Variants in LSAMP observed in about 807,000 individuals in gnomAD.
The protein encoded by LSAMP is limbic system-associated membrane protein.
A neutral mutation model predicts 38.6 loss-of-function variants in LSAMP; 7 were observed. The observed-to-expected ratio is 0.18, with a 90% CI of 0.10 to 0.34. LSAMP has a LOEUF of 0.34. Among genes scored for constraint, LSAMP ranks in the 10% least tolerant of loss-of-function variants. LSAMP has a pLI of 1.00. For synonymous variants in LSAMP, 154 were observed against 166.8 expected (o/e 0.92, Z 0.59); for missense variants, 313 against 420.0 (o/e 0.75, Z 2.23).
chr3:116,053,042 G>T (rs1276103586), intron 2 of LSAMP, among the ~76,000 whole-genome samples: 3 of 152,204 alleles, frequency 2.0e-5, no homozygotes, highest in Non-Finnish European at 2.9e-5. Context: ...AGTGGCACCA[G>T]CCATCACCTG....
chr3:116,023,186 A>G (rs913176254), intron 2 of LSAMP, among the ~76,000 whole-genome samples: 4 of 146,004 alleles, frequency 2.7e-5, no homozygotes, highest in African/African-American at 7.5e-5. Flanking sequence ...CTCTATATAT[A>G]TATACACACA....
chr3:116,209,069 C>G (rs1445497715), intron 1 of LSAMP, among the ~76,000 whole-genome samples: 1 of 152,214 alleles, frequency 6.6e-6, no homozygotes, highest in Non-Finnish European at 1.5e-5. Flanking sequence ...GGGGGTAGGA[C>G]CCTCTGAGCC....
chr3:115,906,147 A>G (rs892771183), intron 3 of LSAMP, among the ~76,000 whole-genome samples: 1 of 152,186 alleles, frequency 6.6e-6, no homozygotes, highest in Non-Finnish European at 1.5e-5. Flanking sequence ...GAGGAATTTC[A>G]CACTATGGCT....
chr3:116,144,663 C>G (rs1371653365), intron 1 of LSAMP, among the ~76,000 whole-genome samples: 1 of 148,982 alleles, frequency 6.7e-6, no homozygotes, highest in South Asian at 2.1e-4. Flanking sequence ...TTAACCTGGT[C>G]AAATGTATTT....
intron 1 of LSAMP, among the ~76,000 whole-genome samples, chr3:116,285,113 G>C (rs1182082840): frequency 6.6e-6 from 1 of 152,154 alleles, no homozygotes; most frequent in Admixed American, 6.6e-5. Context: ...CTGGTTTGAA[G>C]CTTGAGTGTT....
At chr3:116,439,809 G>A (rs546102921) in intron 1 of LSAMP, among the ~76,000 whole-genome samples, 2 of 152,324 alleles carry the variant, frequency 1.3e-5, no homozygotes, top group Admixed American at 1.3e-4. Context: ...TGCAACCTCC[G>A]CCTCACGGGT....
chr3:116,438,525 A>G (rs552358486), intron 1 of LSAMP, among the ~76,000 whole-genome samples: 107 of 152,354 alleles, frequency 7.0e-4, no homozygotes, highest in African/African-American at 2.5e-3. Flanking sequence ...ATAAGTTTCA[A>G]CTAAAGAGAA....
At chr3:116,193,214 G>T (rs1214979170) in intron 1 of LSAMP, among the ~76,000 whole-genome samples, 2 of 152,112 alleles carry the variant, frequency 1.3e-5, no homozygotes, top group Non-Finnish European at 2.9e-5. Context: ...TTTGTTCAAG[G>T]TTAAACAGGG....
chr3:115,984,766 T>C (rs1248191563), intron 3 of LSAMP, among the ~76,000 whole-genome samples: 1 of 152,196 alleles, frequency 6.6e-6, no homozygotes, highest in Non-Finnish European at 1.5e-5. Context: ...GTAAAGACTG[T>C]TACAGTAAAG....
At chr3:116,123,547 C>T (rs1708936406) in intron 1 of LSAMP, among the ~76,000 whole-genome samples, 1 of 151,582 alleles carries the variant, frequency 6.6e-6, no homozygotes, top group Non-Finnish European at 1.5e-5. Context: ...ACTTGAAGAG[C>T]AAAAGCCATT....
intron 3 of LSAMP, among the ~76,000 whole-genome samples, chr3:116,013,155 C>A (rs754927095): frequency 6.6e-6 from 1 of 152,140 alleles, no homozygotes; most frequent in Non-Finnish European, 1.5e-5. Flanking sequence ...TCTGATGACA[C>A]GTGTGTAGGG....
intron 3 of LSAMP, among the ~76,000 whole-genome samples, chr3:115,935,750 T>G (rs1937679760): frequency 6.6e-6 from 1 of 152,154 alleles, no homozygotes; most frequent in African/African-American, 2.4e-5. Flanking sequence ...ACAAAAATTT[T>G]TCACATCATG....
chr3:115,807,889 T>A lies in LSAMP; in HGVS notation c.*2428A>T, dbSNP rs72947872. 4 of 152,066 alleles carry A rather than the reference T, an allele frequency of 2.6e-5. No individual in the cohort carries two copies. The highest frequency in any genetic ancestry group is 7.3e-5 in the African/African-American group (3 of 41,360). The allele number at this position is 152,066 out of a possible 1,614,324, so 9.4% of individuals were successfully genotyped here. A position where few individuals can be genotyped will look rare whatever the true frequency, so the allele number is the denominator to read the frequency against. ...TTCTTGGATGAGAATTTGTTTTCTCTCCTATGTCAGAATCTGCTATAAACA... is the reference window on the plus strand; with the variant it reads ...TTCTTGGATGAGAATTTGTTTTCTCACCTATGTCAGAATCTGCTATAAACA... On this transcript the variant is annotated 3_prime_UTR_variant, in exon 7 of 7. Transcript: ENST00000490035.
intron 3 of LSAMP, among the ~76,000 whole-genome samples, chr3:115,969,017 A>C (rs1246590067): frequency 6.6e-6 from 1 of 152,096 alleles, no homozygotes; most frequent in East Asian, 1.9e-4. Flanking sequence ...CACTGAGCTC[A>C]CCTTCCCCTA....
chr3:116,334,929 A>G (rs1291523128), intron 1 of LSAMP, among the ~76,000 whole-genome samples: 3 of 152,094 alleles, frequency 2.0e-5, no homozygotes, highest in African/African-American at 7.2e-5. Flanking sequence ...CCATATTGGA[A>G]AGGAAGAAAT....
chr3:116,411,883 T>A (rs915483499), intron 1 of LSAMP, among the ~76,000 whole-genome samples: 1 of 151,404 alleles, frequency 6.6e-6, no homozygotes, highest in Non-Finnish European at 1.5e-5. Flanking sequence ...CCAGAGAGGG[T>A]TAATTATTGA....
chr3:116,064,221 T>C (rs1368196524), intron 2 of LSAMP, among the ~76,000 whole-genome samples: 1 of 152,204 alleles, frequency 6.6e-6, no homozygotes, highest in Non-Finnish European at 1.5e-5. Context: ...ACCGTTTTTC[T>C]TCTCTATGGA....
At chr3:116,222,686 C>T (rs2046300808) in intron 1 of LSAMP, among the ~76,000 whole-genome samples, 1 of 129,388 alleles carries the variant, frequency 7.7e-6, no homozygotes, top group Non-Finnish European at 1.6e-5. Flanking sequence ...TTCTTTGAGT[C>T]TGCTGCTCTT....
intron 3 of LSAMP, among the ~76,000 whole-genome samples, chr3:115,869,269 GGAGAGAGAGAGAGAGAGAGA>G (rs35112915): frequency 2.3e-5 from 3 of 128,452 alleles, no homozygotes; most frequent in Non-Finnish European, 5.1e-5. Flanking sequence ...TCTTGGAGGG[GGAGAGAGAGAGAGAGAGAGA>G]GAGAGAGAGA....
Sources: allele counts gnomAD v4.1 joint callset (sites outside exome capture counted in the v4.1 genomes callset), GRCh38; gene constraint gnomAD v4.1.1; transcripts MANE v1.5; gene names NCBI Gene and HGNC (gene_info 2026-07-23, HGNC 2026-07-21).